Variants in VAV2 observed in about 807,000 individuals in gnomAD.
The protein encoded by VAV2 is vav guanine nucleotide exchange factor 2, also known as guanine nucleotide exchange factor VAV2.
VAV2 carries 67 observed loss-of-function variants against 132.5 expected under a neutral mutation model. The ratio of observed to expected loss-of-function variants is 0.51; its 90% CI spans 0.42 to 0.62. The LOEUF (loss-of-function observed/expected upper bound fraction) is 0.62. Among genes scored for constraint, VAV2 ranks in the 20% least tolerant of loss-of-function variants. The probability of loss-of-function intolerance (pLI) is 0.00; values close to 1 mark genes in which losing one functional copy is unlikely to be tolerated. For missense variants in VAV2, 938 were observed against 1,153.6 expected, an observed-to-expected ratio of 0.81 and a Z score of 2.71; for synonymous variants, 492 against 443.5, an observed-to-expected ratio of 1.11 and a Z score of -1.37.
rs192006364 is a variant in VAV2, at chr9:133,801,628, G to T, written c.837-3819C>A. The stretch of plus-strand genomic sequence containing the variant: ...TGGAGAGGGCCTCGGACCAGAACTC[G>T]GCTGCAGTGGGTCCACTAGAGCCTC... On this transcript the variant is annotated intron_variant, in intron 9 of 29. Coordinates refer to ENST00000371850, the MANE Select transcript of VAV2 (RefSeq NM_001134398.2). 2.6e-4 allele frequency among the ~76,000 whole-genome samples: 40 copies of T among 152,192 alleles called. 1 individual carries two copies. The highest frequency in any genetic ancestry group is 2.8e-4 in the Non-Finnish European group (19 of 68,022).
At chr9:133,944,857 G>A (rs888878545) in intron 1 of VAV2, among the ~76,000 whole-genome samples, 1 of 152,216 alleles carries the variant, frequency 6.6e-6, no homozygotes, top group African/African-American at 2.4e-5. Context: ...GACCCTCGCT[G>A]CTCCCTCCTC....
intron 3 of VAV2, among the ~76,000 whole-genome samples, chr9:133,837,184 T>C (rs1170797537): frequency 6.6e-6 from 1 of 152,232 alleles, no homozygotes; most frequent in Admixed American, 6.5e-5. Flanking sequence ...AGCTGTAGGA[T>C]AGCAGAATGC....
intron 2 of VAV2, among the ~76,000 whole-genome samples, chr9:133,861,926 G>A (rs1178258351): frequency 6.6e-6 from 1 of 152,240 alleles, no homozygotes; most frequent in Non-Finnish European, 1.5e-5. Context: ...CCACCCACAT[G>A]CAAATATCCC....
At position 133,925,655 on chromosome 9, in the gene VAV2, AGTTCACAGCCACACACTTTGTC is replaced by A. The variant is rs770311071; in HGVS notation, c.321+13426_321+13447del. On this transcript the variant is annotated intron_variant, in intron 2 of 29. Transcript: ENST00000371850. ...TGCTGGGGATCTGGGAAGCCCAGCAAGTTCACAGCCACACACTTTGTCATTCCAGAGCCGCTGCCTTCCCCAG... is the reference window on the plus strand; with the variant it reads ...TGCTGGGGATCTGGGAAGCCCAGCAAATTCCAGAGCCGCTGCCTTCCCCAG... Among the ~76,000 whole-genome samples, 77 of 152,206 alleles carry A rather than the reference AGTTCACAGCCACACACTTTGTC, an allele frequency of 5.1e-4. 1 individual carries two copies. Among genetic ancestry groups the A allele is most frequent in the Non-Finnish European group, 8.4e-4 (57 of 68,006 alleles).
chr9:133,829,272 T>C (rs990196348), intron 4 of VAV2, among the ~76,000 whole-genome samples: 7 of 152,276 alleles, frequency 4.6e-5, no homozygotes, highest in African/African-American at 1.7e-4. Flanking sequence ...TGTGTTAATT[T>C]TTTCAACCAG....
intron 2 of VAV2, among the ~76,000 whole-genome samples, chr9:133,864,855 G>T (rs1837739229): frequency 6.6e-6 from 1 of 152,240 alleles, no homozygotes; most frequent in African/African-American, 2.4e-5. Flanking sequence ...GAAGCAGAGG[G>T]TTCAGGAAGG....
At chr9:133,907,484 G>A (rs947499526) in intron 2 of VAV2, among the ~76,000 whole-genome samples, 5 of 152,236 alleles carry the variant, frequency 3.3e-5, no homozygotes, top group African/African-American at 1.2e-4. Context: ...AGAATCAGGA[G>A]AAAGCTCTTT....
intron 2 of VAV2, among the ~76,000 whole-genome samples, chr9:133,897,983 G>A (rs1839279319): frequency 6.6e-6 from 1 of 152,124 alleles, no homozygotes. Context: ...TGGCTTGCTG[G>A]TGGTTGGAAG....
intron 1 of VAV2, among the ~76,000 whole-genome samples, chr9:133,943,511 C>A (rs1005447788): frequency 2.0e-5 from 3 of 152,204 alleles, no homozygotes; most frequent in Non-Finnish European, 4.4e-5. Context: ...GGACCCCCCA[C>A]AAAGGCAGCC....
intron 3 of VAV2, among the ~76,000 whole-genome samples, chr9:133,852,043 G>T (rs988370767): frequency 3.3e-5 from 5 of 152,170 alleles, no homozygotes; most frequent in African/African-American, 9.6e-5. Context: ...TGGATGGATG[G>T]ATGTATGGAT....
chr9:133,872,489 G>T (rs748716411), intron 2 of VAV2, among the ~76,000 whole-genome samples: 7 of 152,246 alleles, frequency 4.6e-5, no homozygotes, highest in Non-Finnish European at 7.3e-5. Flanking sequence ...ACCAGCATGT[G>T]GGGGCACAGC....
intron 3 of VAV2, among the ~76,000 whole-genome samples, chr9:133,837,276 C>G (rs1836507289): frequency 6.6e-6 from 1 of 152,216 alleles, no homozygotes; most frequent in Non-Finnish European, 1.5e-5. Context: ...TTTCCACTGC[C>G]CAAGAAAACT....
At chr9:133,937,140 C>T (rs923785239) in intron 2 of VAV2, among the ~76,000 whole-genome samples, 3 of 152,196 alleles carry the variant, frequency 2.0e-5, no homozygotes, top group African/African-American at 4.8e-5. Flanking sequence ...CTGTATTTTT[C>T]TCTTTACAGT....
intron 12 of VAV2, 150 bp downstream of exon 12, chr9:133,795,518 C>T: frequency 1.1e-6 from 1 of 946,360 alleles, no homozygotes; most frequent in Non-Finnish European, 1.6e-6. Context: ...GGGTCTCACC[C>T]ACTGCCCTGC....
intron 29 of VAV2, among the ~76,000 whole-genome samples, chr9:133,766,759 A>AATAT (rs373267933): frequency 0.078 from 8,677 of 111,918 alleles, 459 homozygotes; most frequent in East Asian, 0.18. Context: ...AGTATAAATA[A>AATAT]ATATATATAT....
At chr9:133,888,048 C>T (rs561603458) in intron 2 of VAV2, among the ~76,000 whole-genome samples, 62 of 152,312 alleles carry the variant, frequency 4.1e-4, no homozygotes, top group Middle Eastern at 6.8e-3. Flanking sequence ...CTTGGATGAG[C>T]CTTGAGGGCC....
chr9:133,920,960 G>C (rs891214750), intron 2 of VAV2, among the ~76,000 whole-genome samples: 1 of 152,228 alleles, frequency 6.6e-6, no homozygotes, highest in Non-Finnish European at 1.5e-5. Flanking sequence ...CCCTGCTATC[G>C]TGCGGGATCA....
At chr9:133,871,436 T>A (rs112846820) in intron 2 of VAV2, among the ~76,000 whole-genome samples, 1 of 135,382 alleles carries the variant, frequency 7.4e-6, no homozygotes, top group African/African-American at 2.8e-5. Context: ...ATGGATGGAT[T>A]GATTGATGGA....
chr9:133,963,885 G>T (rs1489099431), intron 1 of VAV2, among the ~76,000 whole-genome samples: 1 of 151,804 alleles, frequency 6.6e-6, no homozygotes, highest in Non-Finnish European at 1.5e-5. Flanking sequence ...GCAAGGATAT[G>T]AGAAAAGCTG....
Sources: gnomAD v4.1 joint callset for allele counts (sites outside exome capture counted in the v4.1 genomes callset) on GRCh38, gnomAD v4.1.1 for gene constraint, MANE v1.5 for transcripts, NCBI Gene and HGNC (gene_info 2026-07-23, HGNC 2026-07-21) for gene names.